The following TRPM1 variants were observed in gnomAD, a reference collection of about 807,000 sequenced individuals.
TRPM1 encodes the protein TRPM1-203 APA Isoform, Intron 10.
TRPM1 carries 113 observed loss-of-function variants against 149.4 expected under a neutral mutation model. The ratio of observed to expected loss-of-function variants is 0.76; its 90% CI spans 0.65 to 0.88. The LOEUF is 0.88. Ranked by LOEUF, TRPM1 falls within the 40% of genes least tolerant of loss-of-function variation. TRPM1 has a pLI of 0.00. For missense variants in TRPM1, 1,976 were observed against 2,038.7 expected, an observed-to-expected ratio of 0.97 and a Z score of 0.59; for synonymous variants, 741 against 759.5, an observed-to-expected ratio of 0.98 and a Z score of 0.40.
chr15:31,081,249 CACTGGA>C, intron 2 of TRPM1, 98 bp downstream of exon 2: 1 of 775,518 alleles, frequency 1.3e-6, no homozygotes, highest in East Asian at 2.8e-5. Context: ...CCCTCTGCTT[CACTGGA>C]AATCCGTCTT....
intron 1 of TRPM1, among the ~76,000 whole-genome samples, chr15:31,152,296 G>C (rs2036313048): frequency 6.6e-6 from 1 of 152,214 alleles, no homozygotes; most frequent in Non-Finnish European, 1.5e-5. Flanking sequence ...GCCCAGCTTG[G>C]AGGCTGGTGA....
rs758965619 is a variant in TRPM1, at chr15:31,035,561, T to C, written c.2685A>G (p.Leu895=). 4 of 1,614,202 alleles carry C rather than the reference T, an allele frequency of 2.5e-6. No homozygotes were observed. In the Admixed American group the frequency reaches 6.7e-5, roughly 27 times the overall value. ...IVISYIVSLA[L]EKIREILMSE... is the part of the protein sequence containing the mutation. ...GAGTAGCCACCTCTCGTATCTTCTC[T>C]AACGCCAGGCTCACGATGTAGGAGA... Residue 895 remains leucine (L), a synonymous_variant, in exon 21 of 28, where the codon TTA becomes TTG. Coordinates refer to ENST00000256552, the MANE Select transcript of TRPM1 (RefSeq NM_001252024.2).
intron 7 of TRPM1, among the ~76,000 whole-genome samples, chr15:31,064,393 C>T (rs1300377006): frequency 6.6e-6 from 1 of 152,152 alleles, no homozygotes; most frequent in Non-Finnish European, 1.5e-5. Context: ...TACCAACTAA[C>T]TTTTGGTGGC....
intron 11 of TRPM1, among the ~76,000 whole-genome samples, chr15:31,052,872 C>T (rs1229424526): frequency 1.3e-5 from 2 of 152,132 alleles, no homozygotes; most frequent in Non-Finnish European, 2.9e-5. Context: ...TTGAATATGA[C>T]ACCAAAGGCA....
chr15:31,087,231 ATTTTTT>A (rs58872566), intron 1 of TRPM1, among the ~76,000 whole-genome samples: 44 of 59,440 alleles, frequency 7.4e-4, no homozygotes, highest in South Asian at 1.6e-3. Flanking sequence ...CTCAATAGGG[ATTTTTT>A]TTTTTTTTTT....
At chr15:31,134,308 T>C (rs976177562) in intron 1 of TRPM1, among the ~76,000 whole-genome samples, 1 of 152,220 alleles carries the variant, frequency 6.6e-6, no homozygotes, top group Non-Finnish European at 1.5e-5. Context: ...AAAATATGAC[T>C]ATAGGAGACC....
intron 7 of TRPM1, chr15:31,065,000 GTTC>G (rs776194813): frequency 3.8e-6 from 2 of 531,190 alleles, no homozygotes; most frequent in Non-Finnish European, 7.7e-6. Context: ...AGTAGAACAG[GTTC>G]TTCTTGGCTT....
chr15:31,106,761 T>G (rs1423187525), intron 1 of TRPM1, among the ~76,000 whole-genome samples: 1 of 152,232 alleles, frequency 6.6e-6, no homozygotes, highest in African/African-American at 2.4e-5. Context: ...ACATGTCCTT[T>G]TGCATTTGTC....
At chr15:31,159,788 G>A (rs1456147013) in intron 1 of TRPM1, among the ~76,000 whole-genome samples, 1 of 152,154 alleles carries the variant, frequency 6.6e-6, no homozygotes, top group Non-Finnish European at 1.5e-5. Context: ...CTGGTGAGCT[G>A]GGTATGGATG....
chr15:31,114,069 C>G (rs144090640), intron 1 of TRPM1, among the ~76,000 whole-genome samples: 8 of 152,050 alleles, frequency 5.3e-5, no homozygotes, highest in Non-Finnish European at 8.8e-5. Context: ...AATCCTCTAG[C>G]TAGACAGAAA....
chr15:31,049,514 A>G lies in TRPM1; in HGVS notation c.1438-5T>C. 6.2e-7 allele frequency: 1 copy of G among 1,613,638 alleles called. No homozygotes were observed. Among genetic ancestry groups the G allele is most frequent in the Non-Finnish European group, 8.5e-7 (1 of 1,180,032 alleles). On this transcript the variant is annotated splice_region_variant and splice_polypyrimidine_tract_variant and intron_variant, in intron 12 of 27. Coordinates refer to ENST00000256552, the MANE Select transcript of TRPM1 (RefSeq NM_001252024.2). ...CGCTTGCTCCAAAGCATTCACCTGC[A>G]GGGACCAAGGGCCGGGAGCCTGTGA...
intron 16 of TRPM1, among the ~76,000 whole-genome samples, chr15:31,045,128 G>C (rs1402180968): frequency 6.6e-6 from 1 of 152,126 alleles, no homozygotes; most frequent in East Asian, 1.9e-4. Context: ...ATCACAGAAA[G>C]CTCATAACCC....
chr15:31,119,997 C>A (rs1407524972), intron 1 of TRPM1, among the ~76,000 whole-genome samples: 3 of 152,038 alleles, frequency 2.0e-5, no homozygotes, highest in African/African-American at 7.2e-5. Context: ...ATTAATCTGA[C>A]TATATTAATA....
chr15:31,036,891 C>T (rs1227323636), intron 20 of TRPM1, among the ~76,000 whole-genome samples: 1 of 152,270 alleles, frequency 6.6e-6, no homozygotes, highest in African/African-American at 2.4e-5. Flanking sequence ...TCATTCATCG[C>T]CCAGACCACG....
intron 23 of TRPM1, 101 bp from the exon 24 acceptor site, chr15:31,029,492 G>T: frequency 1.7e-6 from 2 of 1,169,800 alleles, no homozygotes; most frequent in Non-Finnish European, 2.5e-6. Context: ...AAAACAAGTG[G>T]TTTAACAACA....
intron 1 of TRPM1, among the ~76,000 whole-genome samples, chr15:31,096,945 T>C (rs1212440845): frequency 6.6e-6 from 1 of 151,898 alleles, no homozygotes. Context: ...GAGTGAGGGG[T>C]AGGCGGGTGA....
chr15:31,019,976 A>G (rs1000253090), intron 27 of TRPM1, among the ~76,000 whole-genome samples: 3 of 151,692 alleles, frequency 2.0e-5, no homozygotes, highest in Non-Finnish European at 2.9e-5. Context: ...GCCAAGACTC[A>G]TGTCTTTCTT....
chr15:31,104,384 C>G (rs1343635973), upstream of TRPM1, among the ~76,000 whole-genome samples: 1 of 152,130 alleles, frequency 6.6e-6, no homozygotes, highest in Non-Finnish European at 1.5e-5. Context: ...AATATTGTTT[C>G]TCATGCTCCT....
intron 27 of TRPM1, among the ~76,000 whole-genome samples, chr15:31,007,647 GCGCAGCAACAACAACAACAACAACAA>G (rs1261093381): frequency 2.6e-4 from 17 of 64,406 alleles, no homozygotes; most frequent in African/African-American, 1.1e-3. Context: ...AACAACAGCA[GCGCAGCAACAACAACAACAACAACAA>G]CAACAACAAC....
Sources: allele counts gnomAD v4.1 joint callset (sites outside exome capture counted in the v4.1 genomes callset), GRCh38; gene constraint gnomAD v4.1.1; transcripts MANE v1.5; gene names NCBI Gene and HGNC (gene_info 2026-07-23, HGNC 2026-07-21).